The following CTNNA3 variants were observed in gnomAD, a reference collection of about 807,000 sequenced individuals.
CTNNA3 encodes catenin alpha-3.
Under a neutral mutation model 95.7 loss-of-function variants are expected in CTNNA3, and 76 were observed. The observed-to-expected ratio is 0.79, with a 90% CI of 0.66 to 0.96. The LOEUF (loss-of-function observed/expected upper bound fraction) is 0.96, where lower values mean the gene tolerates loss of function less well. Among genes scored for constraint, CTNNA3 ranks in the 40% least tolerant of loss-of-function variants. CTNNA3 has a pLI of 0.00. For missense variants in CTNNA3, 1,191 were observed against 1,089.8 expected, an observed-to-expected ratio of 1.09 and a Z score of -1.31; for synonymous variants, 431 against 374.4, an observed-to-expected ratio of 1.15 and a Z score of -1.74.
At chr10:67,338,057 T>C (rs1842057029) in intron 5 of CTNNA3, among the ~76,000 whole-genome samples, 1 of 152,190 alleles carries the variant, frequency 6.6e-6, no homozygotes, top group African/African-American at 2.4e-5. Context: ...AATGTATTAA[T>C]TAATTTGTTT....
chr10:66,358,245 T>G (rs902721501), intron 12 of CTNNA3, among the ~76,000 whole-genome samples: 1 of 152,196 alleles, frequency 6.6e-6, no homozygotes, highest in Non-Finnish European at 1.5e-5. Flanking sequence ...CCCCTGCTTA[T>G]CTGTCCTCTG....
At chr10:67,704,549 G>C (rs950519898) in intron 1 of CTNNA3, among the ~76,000 whole-genome samples, 1 of 152,132 alleles carries the variant, frequency 6.6e-6, no homozygotes, top group South Asian at 2.1e-4. Context: ...TTTAATAAAC[G>C]GTGCTGGGAA....
chr10:66,345,972 G>A (rs925719559), intron 12 of CTNNA3, among the ~76,000 whole-genome samples: 3 of 150,428 alleles, frequency 2.0e-5, no homozygotes, highest in Admixed American at 1.3e-4. Context: ...AGCTACTGGG[G>A]AGGCCGAGAC....
intron 14 of CTNNA3, among the ~76,000 whole-genome samples, chr10:66,077,612 C>G (rs1451535264): frequency 6.6e-6 from 1 of 151,754 alleles, no homozygotes; most frequent in Non-Finnish European, 1.5e-5. Context: ...TGGCATGTAT[C>G]ATAATGACAG....
intron 14 of CTNNA3, among the ~76,000 whole-genome samples, chr10:66,076,526 T>G (rs1291473187): frequency 1.3e-5 from 2 of 151,624 alleles, no homozygotes. Context: ...GACCTCTAAA[T>G]CAGACTTAAA....
intron 5 of CTNNA3, among the ~76,000 whole-genome samples, chr10:67,313,964 G>T (rs966663711): frequency 6.6e-6 from 1 of 152,148 alleles, no homozygotes; most frequent in African/African-American, 2.4e-5. Context: ...ACTGATTCAG[G>T]ATTCCTGAAA....
chr10:67,177,927 C>A (rs143421367), intron 7 of CTNNA3, among the ~76,000 whole-genome samples: 82 of 152,316 alleles, frequency 5.4e-4, no homozygotes, highest in African/African-American at 1.9e-3. Flanking sequence ...GGGGCAGCTT[C>A]AGGGACCTGC....
intron 13 of CTNNA3, among the ~76,000 whole-genome samples, chr10:66,172,655 T>C (rs1364916084): frequency 6.6e-6 from 1 of 152,074 alleles, no homozygotes; most frequent in Non-Finnish European, 1.5e-5. Flanking sequence ...AGGAAAGAAA[T>C]ACCTGTTTTA....
At chr10:67,060,485 C>T (rs1279552500) in intron 7 of CTNNA3, among the ~76,000 whole-genome samples, 2 of 152,112 alleles carry the variant, frequency 1.3e-5, no homozygotes, top group Non-Finnish European at 1.5e-5. Context: ...CAGAAATAGC[C>T]ATGCTCATCA....
chr10:66,019,439 G>A (rs1386313373), intron 15 of CTNNA3, among the ~76,000 whole-genome samples: 1 of 151,208 alleles, frequency 6.6e-6, no homozygotes, highest in Non-Finnish European at 1.5e-5. Context: ...ATGGGAATCA[G>A]ATCCCCCCCA....
At chr10:67,369,143 C>A (rs1330800055) in intron 5 of CTNNA3, among the ~76,000 whole-genome samples, 3 of 152,088 alleles carry the variant, frequency 2.0e-5, no homozygotes, top group African/African-American at 7.2e-5. Context: ...CTCAATAAAT[C>A]TATTTTTAAA....
At chr10:67,297,052 G>A (rs1192627756) in intron 5 of CTNNA3, among the ~76,000 whole-genome samples, 1 of 146,194 alleles carries the variant, frequency 6.8e-6, no homozygotes, top group African/African-American at 2.5e-5. Flanking sequence ...AACCCATATT[G>A]TTGAGCTTTG....
intron 7 of CTNNA3, among the ~76,000 whole-genome samples, chr10:67,151,504 A>G (rs750052196): frequency 6.6e-6 from 1 of 152,210 alleles, no homozygotes; most frequent in Non-Finnish European, 1.5e-5. Flanking sequence ...ATAATCAGGA[A>G]CAAAACAAGC....
intron 1 of CTNNA3, among the ~76,000 whole-genome samples, chr10:67,654,194 C>A: frequency 6.6e-6 from 1 of 152,198 alleles, no homozygotes; most frequent in South Asian, 2.1e-4. Flanking sequence ...GATTCTAAAA[C>A]CAATCTTGCC....
intron 3 of CTNNA3, among the ~76,000 whole-genome samples, chr10:67,580,368 ATG>A (rs1256923510): frequency 6.6e-6 from 1 of 151,546 alleles, no homozygotes; most frequent in Non-Finnish European, 1.5e-5. Flanking sequence ...ATGGTTGTAG[ATG>A]TGTGTGGTAT....
rs144484274 is a variant in CTNNA3 at position 67,230,537 on chromosome 10, C to T, written c.580-10667G>A. ...AGAATGGGAGAAAATCTTCACAATC[C>T]GTAATCTGACAAAGGACTAATATCC... On this transcript the variant is annotated intron_variant, in intron 5 of 17. Coordinates refer to ENST00000433211, the MANE Select transcript of CTNNA3 (RefSeq NM_013266.4). Among the ~76,000 whole-genome samples, 8 of 152,040 alleles carry T rather than the reference C, an allele frequency of 5.3e-5. No homozygotes were observed. In the East Asian group the frequency reaches 5.8e-4, roughly 11 times the overall value.
chr10:66,583,621 T>C (rs2631221), intron 10 of CTNNA3, among the ~76,000 whole-genome samples: 102,183 of 151,540 alleles, frequency 0.67, 35,853 homozygotes, highest in Non-Finnish European at 0.78. Context: ...TTTATCTTTT[T>C]GAAGGAGCTA....
At chr10:66,508,193 G>GT (rs1840522894) in intron 11 of CTNNA3, among the ~76,000 whole-genome samples, 1 of 97,896 alleles carries the variant, frequency 1.0e-5, no homozygotes, top group Admixed American at 1.0e-4. Flanking sequence ...TTTTTTTTTT[G>GT]TTTTGTTTTG....
chr10:66,046,437 A>G (rs900017623), intron 15 of CTNNA3, among the ~76,000 whole-genome samples: 2 of 152,184 alleles, frequency 1.3e-5, no homozygotes, highest in Non-Finnish European at 2.9e-5. Context: ...CATACATACA[A>G]TATACCAGAA....
Sources: allele counts gnomAD v4.1 joint callset (sites outside exome capture counted in the v4.1 genomes callset), GRCh38; gene constraint gnomAD v4.1.1; transcripts MANE v1.5; gene names NCBI Gene and HGNC (gene_info 2026-07-23, HGNC 2026-07-21).